The following TCF4 variants were observed in gnomAD, a reference collection of about 807,000 sequenced individuals.
TCF4 encodes transcription factor 4.
A neutral mutation model predicts 82.1 loss-of-function variants in TCF4; 3 were observed. The observed-to-expected ratio is 0.04, with a 90% CI of 0.02 to 0.09. The LOEUF is 0.09. TCF4 is among the 10% of genes least tolerant of loss of function. The probability of loss-of-function intolerance (pLI) is 1.00; values close to 1 mark genes in which losing one functional copy is unlikely to be tolerated. For missense variants in TCF4, 518 were observed against 852.7 expected, an observed-to-expected ratio of 0.61 and a Z score of 4.89; for synonymous variants, 276 against 309.6, an observed-to-expected ratio of 0.89 and a Z score of 1.14.
At chr18:55,625,366 G>A (rs944305771) in intron 2 of TCF4, among the ~76,000 whole-genome samples, 16 of 151,900 alleles carry the variant, frequency 1.1e-4, no homozygotes, top group African/African-American at 3.9e-4. Context: ...AGCCTCCTGA[G>A]TAGCTGGGAC....
intron 3 of TCF4, among the ~76,000 whole-genome samples, chr18:55,568,946 T>C (rs188814515): frequency 9.9e-5 from 15 of 152,266 alleles, no homozygotes; most frequent in Admixed American, 4.6e-4. Context: ...CAGGAAAATA[T>C]ACGGATGTCA....
chr18:55,587,406 C>A, intron 1 of TCF4, among the ~76,000 whole-genome samples: 1 of 81,618 alleles, frequency 1.2e-5, no homozygotes, highest in Admixed American at 1.5e-4. Context: ...GACGATCAAA[C>A]TGGTAACATC....
chr18:55,585,383 A>G (rs1050233011), intron 2 of TCF4, 31 bp from the exon 3 acceptor site: 1 of 1,595,526 alleles, frequency 6.3e-7, no homozygotes, highest in African/African-American at 1.3e-5. Flanking sequence ...TTACAGTTGA[A>G]AAGAAGACAC....
At chr18:55,533,182 T>C (rs2097084040) in intron 3 of TCF4, among the ~76,000 whole-genome samples, 1 of 152,166 alleles carries the variant, frequency 6.6e-6, no homozygotes, top group African/African-American at 2.4e-5. Flanking sequence ...GATTAAAGTC[T>C]GCCAATCAAC....
chr18:55,328,886 A>G (rs543535572), intron 8 of TCF4, among the ~76,000 whole-genome samples: 31 of 152,302 alleles, frequency 2.0e-4, no homozygotes, highest in African/African-American at 7.5e-4. Flanking sequence ...TGAACTAATT[A>G]TCTAGGGTTT....
intron 3 of TCF4, among the ~76,000 whole-genome samples, chr18:55,537,937 C>T (rs998883945): frequency 6.6e-6 from 1 of 151,906 alleles, no homozygotes; most frequent in Non-Finnish European, 1.5e-5. Context: ...TCCTATCGTA[C>T]ATGGTGAGTG....
At chr18:55,419,325 T>C (rs992320480) in intron 5 of TCF4, among the ~76,000 whole-genome samples, 1 of 152,162 alleles carries the variant, frequency 6.6e-6, no homozygotes, top group Admixed American at 6.5e-5. Context: ...AGCAATACAA[T>C]TGGGTTTTAC....
intron 3 of TCF4, among the ~76,000 whole-genome samples, chr18:55,584,938 T>G (rs1568462001): frequency 6.6e-6 from 1 of 152,124 alleles, no homozygotes; most frequent in Non-Finnish European, 1.5e-5. Context: ...TGTTAGAGAT[T>G]TTTTCCCCTT....
chr18:55,514,445 A>ACACC (rs1555716324), intron 3 of TCF4, among the ~76,000 whole-genome samples: 6 of 94,360 alleles, frequency 6.4e-5, no homozygotes, highest in Non-Finnish European at 1.2e-4. Context: ...ACACACACAC[A>ACACC]CCCCAATCAT....
At chr18:55,311,205 C>A (rs1427223776) in intron 8 of TCF4, among the ~76,000 whole-genome samples, 1 of 151,790 alleles carries the variant, frequency 6.6e-6, no homozygotes, top group Admixed American at 6.6e-5. Context: ...AGAAAAAAAA[C>A]AAAAAAATGT....
At chr18:55,291,695 T>C (rs1417016004) in intron 8 of TCF4, among the ~76,000 whole-genome samples, 2 of 152,108 alleles carry the variant, frequency 1.3e-5, no homozygotes, top group Non-Finnish European at 2.9e-5. Context: ...TGTTACCCAT[T>C]CAAATGCCCA....
chr18:55,626,120 C>A (rs1444237915), intron 2 of TCF4, among the ~76,000 whole-genome samples: 1 of 152,156 alleles, frequency 6.6e-6, no homozygotes, highest in Admixed American at 6.5e-5. Flanking sequence ...TATTCCAACT[C>A]ATTAGGGAGA....
chr18:55,322,787 T>C lies in TCF4; in HGVS notation c.549+27572A>G, dbSNP rs182095621. Among the ~76,000 whole-genome samples the C allele has an allele frequency of 2.0e-5, 3 of 152,352 alleles. No individual in the cohort carries two copies. The East Asian group carries it at 5.8e-4, about 29-fold the overall frequency. On this transcript the variant is annotated intron_variant, in intron 8 of 19. Coordinates refer to ENST00000354452, the MANE Select transcript of TCF4 (RefSeq NM_001083962.2). ...TAGACAATCTACTGCAACTTCACGC[T>C]ATTTGCTGGGCTCTAAAGCAAGTTT...
intron 3 of TCF4, chr18:55,482,265 G>C (rs1220863062): frequency 6.6e-6 from 1 of 152,150 alleles, no homozygotes; most frequent in Non-Finnish European, 1.5e-5. Flanking sequence ...GTCTATAAAA[G>C]AGCAAAATTC....
intron 8 of TCF4, among the ~76,000 whole-genome samples, chr18:55,323,511 G>A (rs1330447325): frequency 2.6e-5 from 4 of 152,162 alleles, no homozygotes; most frequent in Admixed American, 6.5e-5. Flanking sequence ...CCAGAGGTTT[G>A]TCTAACTCAC....
intron 3 of TCF4, among the ~76,000 whole-genome samples, chr18:55,464,551 T>G (rs1364778056): frequency 3.9e-5 from 6 of 152,210 alleles, no homozygotes; most frequent in African/African-American, 1.2e-4. Flanking sequence ...GCCATAATGC[T>G]CTTGGATCCT....
chr18:55,345,222 T>C lies in TCF4; in HGVS notation c.549+5137A>G, dbSNP rs2080896774. ...ATAAAGATTCTCCTATATTTTTTCA[T>C]ATATCAGCAATTCATAAAAATCATA... On this transcript the variant is annotated intron_variant, in intron 8 of 19. Transcript: ENST00000354452. 1.3e-5 allele frequency among the ~76,000 whole-genome samples: 2 copies of C among 151,852 alleles called. 1 individual carries two copies. The highest frequency in any genetic ancestry group is 4.1e-4 in the South Asian group (2 of 4,822).
chr18:55,496,609 A>G (rs1055077688), intron 3 of TCF4, among the ~76,000 whole-genome samples: 3 of 152,046 alleles, frequency 2.0e-5, no homozygotes, highest in African/African-American at 7.2e-5. Flanking sequence ...TATTATAGAC[A>G]TTTGTTTTAA....
At chr18:55,589,329 C>A, upstream of TCF4, 1 of 1,051,656 alleles carries the variant, frequency 9.5e-7, no homozygotes, top group Non-Finnish European at 1.1e-6. Flanking sequence ...CACAATATTC[C>A]AAGGAAAGAG....
Sources: gnomAD v4.1 joint callset for allele counts (sites outside exome capture counted in the v4.1 genomes callset) on GRCh38, gnomAD v4.1.1 for gene constraint, MANE v1.5 for transcripts, NCBI Gene and HGNC (gene_info 2026-07-23, HGNC 2026-07-21) for gene names.